The following DLC1 variants were observed in gnomAD, a reference collection of about 807,000 sequenced individuals.
DLC1 encodes rho GTPase-activating protein 7.
DLC1 carries 54 observed loss-of-function variants against 140.3 expected under a neutral mutation model. That is an observed-to-expected ratio of 0.38 (90% CI 0.31 to 0.48). DLC1 has a LOEUF of 0.48. DLC1 is among the 20% of genes least tolerant of loss of function. The pLI is 0.96. For missense variants in DLC1, 2,536 were observed against 1,907.0 expected (o/e 1.33, Z -6.14); for synonymous variants, 986 against 728.1 (o/e 1.35, Z -5.70).
intron 2 of DLC1, among the ~76,000 whole-genome samples, chr8:13,428,287 TTA>T (rs1293414647): frequency 2.0e-5 from 3 of 151,644 alleles, no homozygotes; most frequent in African/African-American, 7.3e-5. Context: ...ACATGTGGGT[TTA>T]TATTAATATT....
chr8:13,229,618 G>A (rs1828952965), intron 5 of DLC1, among the ~76,000 whole-genome samples: 1 of 151,414 alleles, frequency 6.6e-6, no homozygotes, highest in African/African-American at 2.4e-5. Flanking sequence ...AGGGATAGAG[G>A]GAAGGAAGGA....
At chr8:13,137,603 G>GTT (rs36035085) in intron 5 of DLC1, among the ~76,000 whole-genome samples, 16 of 134,372 alleles carry the variant, frequency 1.2e-4, no homozygotes, top group African/African-American at 1.9e-4. Context: ...TTTTGGTTTT[G>GTT]TTTTTTTTTT....
At chr8:13,601,887 A>AT (rs1438714662) in intron 1 of DLC1, among the ~76,000 whole-genome samples, 1 of 151,754 alleles carries the variant, frequency 6.6e-6, no homozygotes, top group East Asian at 1.9e-4. Context: ...ATTTTTGGTC[A>AT]TTTTTCCATA....
chr8:13,276,167 A>C, intron 5 of DLC1: 2 of 1,460,400 alleles, frequency 1.4e-6, no homozygotes, highest in Non-Finnish European at 1.8e-6. Context: ...TGATGAGATC[A>C]TTCATGAACC....
intron 1 of DLC1, among the ~76,000 whole-genome samples, chr8:13,512,103 T>C (rs1413805870): frequency 6.6e-6 from 1 of 152,118 alleles, no homozygotes; most frequent in Non-Finnish European, 1.5e-5. Flanking sequence ...GGCAGTCAGC[T>C]ATAAGGGCCA....
chr8:13,459,336 A>C (rs1799553082), intron 2 of DLC1, among the ~76,000 whole-genome samples: 2 of 152,118 alleles, frequency 1.3e-5, no homozygotes, highest in Non-Finnish European at 2.9e-5. Context: ...ATCTATCCCA[A>C]TGTCAGAAGG....
intron 2 of DLC1, among the ~76,000 whole-genome samples, chr8:13,438,587 A>T (rs999804437): frequency 4.6e-5 from 7 of 151,824 alleles, no homozygotes; most frequent in Non-Finnish European, 8.8e-5. Flanking sequence ...ATCTCCTACC[A>T]CCCACGCAAC....
intron 1 of DLC1, among the ~76,000 whole-genome samples, chr8:13,591,541 A>G (rs1034576518): frequency 6.6e-6 from 1 of 152,142 alleles, no homozygotes; most frequent in Non-Finnish European, 1.5e-5. Flanking sequence ...TGAGTCAATT[A>G]AACCTCTTTT....
chr8:13,096,265 G>T (rs1374712453), intron 10 of DLC1, among the ~76,000 whole-genome samples: 1 of 152,162 alleles, frequency 6.6e-6, no homozygotes, highest in African/African-American at 2.4e-5. Context: ...ATTCTTGAGG[G>T]TTTGGTGGGA....
chr8:13,357,795 A>G lies in DLC1; in HGVS notation c.1314+35758T>C, dbSNP rs569267808. ...AAAATCCAGATGGATGAAGACACCTATTTTTTTCAATGCTGTGTGAATATC... is the reference window on the plus strand; with the variant it reads ...AAAATCCAGATGGATGAAGACACCTGTTTTTTTCAATGCTGTGTGAATATC... On this transcript the variant is annotated intron_variant, in intron 4 of 17. Coordinates refer to ENST00000276297, the MANE Select transcript of DLC1 (RefSeq NM_182643.3). Among the ~76,000 whole-genome samples the G allele has an allele frequency of 8.5e-5, 13 of 152,238 alleles. No individual in the cohort carries two copies. In the South Asian group the frequency reaches 2.5e-3, roughly 29 times the overall value.
chr8:13,415,741 G>C (rs1379484747), intron 2 of DLC1, among the ~76,000 whole-genome samples: 2 of 150,990 alleles, frequency 1.3e-5, no homozygotes, highest in Non-Finnish European at 3.0e-5. Flanking sequence ...TTACCATTAA[G>C]AGCCTTTAAA....
At chr8:13,175,669 A>G (rs1825720854) in intron 5 of DLC1, among the ~76,000 whole-genome samples, 1 of 152,232 alleles carries the variant, frequency 6.6e-6, no homozygotes, top group African/African-American at 2.4e-5. Context: ...CTGGCATAAT[A>G]CAATTAACTA....
Position 13,398,099 on chromosome 8 carries a change from C to G in DLC1, c.1173+3371G>C, listed in dbSNP as rs537839374. On this transcript the variant is annotated intron_variant, in intron 3 of 17. Coordinates refer to ENST00000276297, the MANE Select transcript of DLC1 (RefSeq NM_182643.3). Reference sequence around the variant, plus strand: ...TGAGCCTAGATTGCGCCACTGCACTCTAGCCTGGTGACAGAGCGAGAGTCC... The same window carrying G: ...TGAGCCTAGATTGCGCCACTGCACTGTAGCCTGGTGACAGAGCGAGAGTCC... Among the ~76,000 whole-genome samples the G allele has an allele frequency of 1.4e-4, 21 of 151,696 alleles. No homozygotes were observed. In the South Asian group the frequency reaches 4.2e-3, roughly 30 times the overall value.
At chr8:13,482,883 C>T (rs1481691) in intron 2 of DLC1, among the ~76,000 whole-genome samples, 109,416 of 152,094 alleles carry the variant, frequency 0.72, 41,528 homozygotes, top group Middle Eastern at 0.88. Context: ...ATGAGTGTGA[C>T]GGTCCCTGTC....
Position 13,567,891 on chromosome 8 carries a change from A to G in DLC1, c.-126+36646T>C, listed in dbSNP as rs551603600. 3.2e-6 allele frequency: 5 copies of G among 1,551,968 alleles called. No individual in the cohort carries two copies. The South Asian group carries it at 5.9e-5, about 18-fold the overall frequency. On this transcript the variant is annotated intron_variant, in intron 1 of 1. Transcript: ENST00000631382. ...CTTGTCATTTACCATTTTCTCTGCC[A>G]TTTCTCAAGCGACTTACTCTAATCA...
At chr8:13,574,121 C>T (rs2117421869) in intron 1 of DLC1, among the ~76,000 whole-genome samples, 1 of 152,240 alleles carries the variant, frequency 6.6e-6, no homozygotes, top group East Asian at 1.9e-4. Context: ...TAGCTGTTTT[C>T]TGTAATTTTA....
At chr8:13,187,548 G>C (rs548695182) in intron 5 of DLC1, among the ~76,000 whole-genome samples, 2 of 152,174 alleles carry the variant, frequency 1.3e-5, no homozygotes, top group Non-Finnish European at 2.9e-5. Context: ...TGTGCAGAAA[G>C]ATGACAGAGG....
chr8:13,328,725 C>G (rs533854749), intron 4 of DLC1, among the ~76,000 whole-genome samples: 18 of 152,124 alleles, frequency 1.2e-4, no homozygotes, highest in Non-Finnish European at 1.6e-4. Flanking sequence ...TGCAGGTACT[C>G]AAGGGCCCAA....
At chr8:13,099,115 T>A (rs866947085) in intron 9 of DLC1, among the ~76,000 whole-genome samples, 1 of 149,772 alleles carries the variant, frequency 6.7e-6, no homozygotes, top group Non-Finnish European at 1.5e-5. Flanking sequence ...TGTGTGACCA[T>A]CTCTGCCAAC....
Sources: gnomAD v4.1 joint callset for allele counts (sites outside exome capture counted in the v4.1 genomes callset) on GRCh38, gnomAD v4.1.1 for gene constraint, MANE v1.5 for transcripts, NCBI Gene and HGNC (gene_info 2026-07-23, HGNC 2026-07-21) for gene names.